IPP: variants seen among roughly 807,000 people sequenced by gnomAD.
The protein encoded by IPP is actin-binding protein IPP.
In IPP, 41 loss-of-function variants were observed where a neutral mutation model predicts 64.1. That is an observed-to-expected ratio of 0.64 (90% CI 0.50 to 0.83). IPP has a LOEUF of 0.83. Ranked by LOEUF, IPP falls within the 40% of genes least tolerant of loss-of-function variation. The probability of loss-of-function intolerance (pLI) is 0.00; values close to 1 mark genes in which losing one functional copy is unlikely to be tolerated. For synonymous variants in IPP, 214 were observed against 235.2 expected (o/e 0.91, Z 0.83); for missense variants, 649 against 703.0 (o/e 0.92, Z 0.87).
chr1:45,702,940 C>A (rs1645473478), intron 8 of IPP, among the ~76,000 whole-genome samples: 1 of 152,020 alleles, frequency 6.6e-6, no homozygotes, highest in Non-Finnish European at 1.5e-5. Context: ...AAATGAGAAT[C>A]AAAATCCTTA....
Position 45,746,400 on chromosome 1 carries a change from C to T in IPP, c.12G>A (p.Glu4=). 1.2e-6 allele frequency: 2 copies of T among 1,608,410 alleles called. No homozygotes were observed. The highest frequency in any genetic ancestry group is 2.2e-5 in the South Asian group (2 of 90,948). The change falls in exon 2 of 9, where the codon GAG becomes GAA. Residue 4 remains glutamate (E), a synonymous_variant. Coordinates refer to ENST00000396478, the MANE Select transcript of IPP (RefSeq NM_005897.3). The part of the protein sequence containing the change: MAN[E]DCPKAADSPF... ...GACTATCAGCAGCCTTGGGACAGTC[C>T]TCATTAGCCATGATGACGGTAGATT...
downstream of IPP, chr1:45,698,141 A>C (rs1388993245): frequency 2.6e-5 from 4 of 151,656 alleles, no homozygotes; most frequent in Non-Finnish European, 5.9e-5. Context: ...CATACAGAAA[A>C]ATTAGCTAGG....
At chr1:45,744,773 A>G (rs1570055239) in intron 2 of IPP, among the ~76,000 whole-genome samples, 2 of 151,262 alleles carry the variant, frequency 1.3e-5, no homozygotes, top group Non-Finnish European at 2.9e-5. Flanking sequence ...TGGGAGGCGG[A>G]GGTTGCAGTG....
intron 3 of IPP, among the ~76,000 whole-genome samples, chr1:45,733,404 G>A (rs1645936131): frequency 6.6e-6 from 1 of 150,728 alleles, no homozygotes; most frequent in African/African-American, 2.4e-5. Context: ...CAGCCTGGGT[G>A]ACAAAGTAAG....
downstream of IPP, chr1:45,694,634 A>G (rs911046792): frequency 7.8e-6 from 5 of 637,862 alleles, no homozygotes; most frequent in Non-Finnish European, 1.4e-5. Flanking sequence ...CTATGGCTCT[A>G]AAGTCAGTAG....
intron 1 of IPP, among the ~76,000 whole-genome samples, chr1:45,749,564 A>C (rs1413278914): frequency 3.1e-5 from 4 of 129,432 alleles, no homozygotes; most frequent in African/African-American, 1.2e-4. Context: ...TCTGTCGCCC[A>C]GGCTGGAGTG....
chr1:45,707,609 A>G (rs770866581), intron 8 of IPP, among the ~76,000 whole-genome samples: 41 of 152,098 alleles, frequency 2.7e-4, no homozygotes, highest in Non-Finnish European at 5.4e-4. Context: ...TGCGAACTAG[A>G]AGTTTGGATA....
chr1:45,731,629 T>C (rs1645906660), intron 3 of IPP, among the ~76,000 whole-genome samples: 1 of 152,054 alleles, frequency 6.6e-6, no homozygotes, highest in Non-Finnish European at 1.5e-5. Flanking sequence ...AGAAAGAGCA[T>C]ATGCCTTATT....
chr1:45,711,340 C>T (rs372938409), intron 8 of IPP, among the ~76,000 whole-genome samples: 12 of 151,490 alleles, frequency 7.9e-5, no homozygotes, highest in African/African-American at 2.7e-4. Context: ...AACTCCGTCT[C>T]AAAACAAAAA....
intron 8 of IPP, among the ~76,000 whole-genome samples, chr1:45,708,973 G>A (rs946747053): frequency 7.5e-6 from 1 of 132,646 alleles, no homozygotes; most frequent in African/African-American, 2.9e-5. Flanking sequence ...GGCAGAGGTT[G>A]TAGTGATCCG....
Position 45,699,049 on chromosome 1 carries a change from G to A in IPP, c.*917C>T. ...GCCTAAAAAAGGGAGAAATTTCTAG[G>A]TGCATACTGCCTGCTGGACTGTATA... On this transcript the variant is annotated 3_prime_UTR_variant, in exon 9 of 9. Coordinates refer to ENST00000396478, the MANE Select transcript of IPP (RefSeq NM_005897.3). 1.0e-6 allele frequency: 1 copy of A among 985,366 alleles called. No individual in the cohort carries two copies. The highest frequency in any genetic ancestry group is 1.2e-6 in the Non-Finnish European group (1 of 830,028). 61.0% of individuals were successfully genotyped at this position (985,366 alleles called of 1,614,324 possible).
chr1:45,717,854 A>G (rs553542882), intron 6 of IPP, among the ~76,000 whole-genome samples: 1 of 152,310 alleles, frequency 6.6e-6, no homozygotes, highest in East Asian at 1.9e-4. Context: ...TATTTCCCAC[A>G]ATTAACTGAA....
chr1:45,746,509 T>G, intron 1 of IPP, 48 bp from the exon 2 acceptor site: 1 of 815,534 alleles, frequency 1.2e-6, no homozygotes, highest in Admixed American at 2.6e-5. Flanking sequence ...TTTTTTAACA[T>G]GCTTTCTATT....
At position 45,704,776 on chromosome 1, in the gene IPP, T is replaced by C. The variant is rs1175618182; in HGVS notation, c.1531-4586A>G. ...ATGAGGTAGAAGGTGGTGAATCAAC[T>C]CCAGACAAGATTGAAGACTAGCTGA... On this transcript the variant is annotated intron_variant, in intron 8 of 8. Transcript: ENST00000396478. Among the ~76,000 whole-genome samples the C allele has an allele frequency of 2.0e-5, 3 of 152,134 alleles. No individual in the cohort carries two copies. The East Asian group carries it at 5.8e-4, about 29-fold the overall frequency.
intron 5 of IPP, among the ~76,000 whole-genome samples, chr1:45,725,382 T>C (rs1645806845): frequency 1.4e-5 from 2 of 144,086 alleles, no homozygotes; most frequent in Admixed American, 1.4e-4. Context: ...ATCCGGGAGG[T>C]GAGGGGCGCC....
At chr1:45,732,773 TCTC>T (rs1645928394) in intron 3 of IPP, among the ~76,000 whole-genome samples, 1 of 152,028 alleles carries the variant, frequency 6.6e-6, no homozygotes, top group South Asian at 2.1e-4. Flanking sequence ...TTCACACCAT[TCTC>T]CTGCCTCAGC....
chr1:45,700,171 G>T lies in IPP; in HGVS notation c.1550C>A (p.Ala517Asp). Residue 517 changes from alanine (A) to aspartate (D), a missense_variant, in exon 9 of 9, where the codon GCC (alanine) becomes GAC (aspartate). Transcript: ENST00000396478. Reference protein sequence around the residue: ...SFEEEKWVEVASMKVPRAGMC... With the variant: ...SFEEEKWVEVDSMKVPRAGMC... ...GCCTGCTCTAGGCACTTTCATTGAG[G>T]CAACTTCAACCCACTTTTCCTGGTT... 2.5e-6 allele frequency: 4 copies of T among 1,612,518 alleles called. No individual in the cohort carries two copies. Among genetic ancestry groups the T allele is most frequent in the Non-Finnish European group, 3.4e-6 (4 of 1,179,522 alleles).
chr1:45,742,931 A>C (rs1223559681), intron 2 of IPP, among the ~76,000 whole-genome samples: 2 of 135,774 alleles, frequency 1.5e-5, no homozygotes, highest in Admixed American at 6.9e-5. Context: ...TCTTTTTTTT[A>C]TTTTTTTATT....
Position 45,714,446 on chromosome 1 carries a change from C to T in IPP, c.1330G>A (p.Gly444Ser), listed in dbSNP as rs766926059. Reference sequence around the variant, plus strand: ...AGTTCTATTCCTTCATTGCTGATGCCCCCAATTACATAAATTAAACCTGGA... The same window carrying T: ...AGTTCTATTCCTTCATTGCTGATGCTCCCAATTACATAAATTAAACCTGGA... ...EMQGLIYVIGGISNEGIELRS... is the reference protein window; with the variant it reads ...EMQGLIYVIGSISNEGIELRS... The change falls in exon 8 of 9, where the codon GGC becomes AGC. Residue 444 changes from glycine to serine, a missense_variant. Coordinates refer to ENST00000396478, the MANE Select transcript of IPP (RefSeq NM_005897.3). 1.2e-6 allele frequency: 2 copies of T among 1,611,446 alleles called. No individual in the cohort carries two copies. The highest frequency in any genetic ancestry group is 8.5e-7 in the Non-Finnish European group (1 of 1,177,700).
Sources: gnomAD v4.1 joint callset for allele counts (sites outside exome capture counted in the v4.1 genomes callset) on GRCh38, gnomAD v4.1.1 for gene constraint, MANE v1.5 for transcripts, NCBI Gene and HGNC (gene_info 2026-07-23, HGNC 2026-07-21) for gene names.